Variants in TRIM36 observed in about 807,000 individuals in gnomAD.
TRIM36 encodes E3 ubiquitin-protein ligase TRIM36.
A neutral mutation model predicts 72.4 loss-of-function variants in TRIM36; 42 were observed. That is an observed-to-expected ratio of 0.58 (90% CI 0.45 to 0.75). The LOEUF (loss-of-function observed/expected upper bound fraction) is 0.75, where lower values mean the gene tolerates loss of function less well. Ranked by LOEUF, TRIM36 falls within the 30% of genes least tolerant of loss-of-function variation. The pLI, the probability that TRIM36 is intolerant of heterozygous loss-of-function variation, is 0.00. For missense variants in TRIM36, 913 were observed against 857.1 expected (o/e 1.07, Z -0.81); for synonymous variants, 315 against 282.8 (o/e 1.11, Z -1.14).
upstream of TRIM36, chr5:115,169,934 C>T (rs1755016764): frequency 3.2e-6 from 4 of 1,254,304 alleles, no homozygotes; most frequent in Non-Finnish European, 4.0e-6. Context: ...CGCGCAGAGA[C>T]CTGGGCGGGG....
intron 2 of TRIM36, among the ~76,000 whole-genome samples, chr5:115,156,091 G>T (rs1157140247): frequency 1.3e-5 from 2 of 151,850 alleles, no homozygotes; most frequent in Non-Finnish European, 2.9e-5. Context: ...AAAAACTTAG[G>T]AATATACTCA....
intron 1 of TRIM36, among the ~76,000 whole-genome samples, chr5:115,175,647 C>T (rs1331014096): frequency 6.6e-6 from 1 of 151,428 alleles, no homozygotes. Context: ...TTAGGAGACA[C>T]CTTTTTTTTT....
chr5:115,129,055 T>TA (rs1251506259), intron 9 of TRIM36, among the ~76,000 whole-genome samples: 2 of 152,148 alleles, frequency 1.3e-5, no homozygotes, highest in African/African-American at 4.8e-5. Context: ...CACAAATACT[T>TA]ACTGTTGCAT....
chr5:115,154,532 A>C (rs1754067548), intron 2 of TRIM36, among the ~76,000 whole-genome samples: 2 of 152,198 alleles, frequency 1.3e-5, no homozygotes, highest in African/African-American at 4.8e-5. Context: ...GAAATACAAA[A>C]GATCATTCAA....
At chr5:115,180,223 GGCTCCCGGGCA>G (rs1016272461), upstream of TRIM36, 8 of 549,820 alleles carry the variant, frequency 1.5e-5, no homozygotes, top group African/African-American at 1.6e-4. Flanking sequence ...GGCCATCGAG[GGCTCCCGGGCA>G]GCCTCGCCCG....
rs1753651554 is a variant in TRIM36 at position 115,147,408 on chromosome 5, A to T, written c.263-14T>A. 5.0e-6 allele frequency: 8 copies of T among 1,604,904 alleles called. No homozygotes were observed. The highest frequency in any genetic ancestry group is 6.8e-6 in the Non-Finnish European group (8 of 1,172,672). ...TGCGCTTCCAGCCTGTGTAATTAGT[A>T]AGTCTTTGTTTAGTTATAGCAGTAG... On this transcript the variant is annotated splice_polypyrimidine_tract_variant and intron_variant, in intron 2 of 9. Coordinates refer to ENST00000513154, the MANE Select transcript of TRIM36 (RefSeq NM_001300759.2).
rs1007729670 is a variant in TRIM36 at position 115,133,874 on chromosome 5, G to C, written c.1484C>G (p.Thr495Ser). 6.3e-6 allele frequency: 10 copies of C among 1,598,752 alleles called. No homozygotes were observed. The highest frequency in any genetic ancestry group is 8.5e-6 in the Non-Finnish European group (10 of 1,173,032). The change falls in exon 8 of 10, where the codon ACT (threonine) becomes AGT (serine). Residue 495 changes from threonine (T) to serine (S), a missense_variant. Physicochemically the swap from Thr to Ser is moderately conservative, Grantham distance 58 (BLOSUM62 1). Transcript: ENST00000513154. ...ATTCACCATACCTGGAGCTGGAGGA[G>C]TATGAAGAATCAATTCTCTGCTGCA... ...SPCSRELILH[T>S]PPAPVFSFLF...
rs148608336 is a variant in TRIM36 at position 115,132,139 on chromosome 5, C to T, written c.1499-1250G>A. On this transcript the variant is annotated intron_variant, in intron 8 of 9. Coordinates refer to ENST00000513154, the MANE Select transcript of TRIM36 (RefSeq NM_001300759.2). Reference sequence around the variant, plus strand: ...ATTACTTGAGTTCAGGAGTTTGAGGCCAGCAAAGGCAACATAGTGAGACCC... The same window carrying T: ...ATTACTTGAGTTCAGGAGTTTGAGGTCAGCAAAGGCAACATAGTGAGACCC... Among the ~76,000 whole-genome samples the T allele has an allele frequency of 2.4e-3, 363 of 151,512 alleles. 1 individual carries two copies. The highest frequency in any genetic ancestry group is 8.4e-3 in the African/African-American group (345 of 41,276).
At chr5:115,144,913 G>A (rs112951495) in intron 3 of TRIM36, among the ~76,000 whole-genome samples, 169 bp from the exon 4 acceptor site, 15 of 152,032 alleles carry the variant, frequency 9.9e-5, no homozygotes, top group Non-Finnish European at 1.5e-4. Context: ...TCTCTATATC[G>A]GAATTACTAT....
At chr5:115,156,199 G>A (rs137893726) in intron 2 of TRIM36, among the ~76,000 whole-genome samples, 37 of 152,134 alleles carry the variant, frequency 2.4e-4, no homozygotes, top group South Asian at 4.2e-4. Flanking sequence ...CCATGCTCAC[G>A]GATAGGTAGA....
intron 8 of TRIM36, among the ~76,000 whole-genome samples, chr5:115,132,414 T>C (rs1580640976): frequency 6.6e-6 from 1 of 151,738 alleles, no homozygotes; most frequent in South Asian, 2.1e-4. Flanking sequence ...GCATCTGTAA[T>C]CCCAGCTACT....
At chr5:115,176,723 C>A (rs1183056914) in intron 1 of TRIM36, among the ~76,000 whole-genome samples, 1 of 152,068 alleles carries the variant, frequency 6.6e-6, no homozygotes, top group Non-Finnish European at 1.5e-5. Context: ...TTACAAGAGA[C>A]CAAAACAGTT....
Position 115,130,609 on chromosome 5 carries a change from C to A in TRIM36, c.1779G>T (p.Arg593=), listed in dbSNP as rs1410584009. 3.1e-6 allele frequency: 5 copies of A among 1,613,892 alleles called. No homozygotes were observed. The highest frequency in any genetic ancestry group is 3.4e-6 in the Non-Finnish European group (4 of 1,179,866). ...DKLQEWLRSP[R]DAVSPRYEQD... ...AAACCTACCTTGGACTAACTGCATC[C>A]CGGGGAGAACGGAGCCATTCTTGTA... Residue 593 remains arginine, a synonymous_variant, in exon 9 of 10, where the codon CGG becomes CGT. Transcript: ENST00000513154.
chr5:115,139,852 T>G (rs1753182602), intron 5 of TRIM36, among the ~76,000 whole-genome samples: 1 of 152,204 alleles, frequency 6.6e-6, no homozygotes, highest in Non-Finnish European at 1.5e-5. Context: ...ACTTGACACC[T>G]AAGTTCCTCA....
intron 2 of TRIM36, among the ~76,000 whole-genome samples, chr5:115,157,019 T>C (rs999485361): frequency 3.3e-5 from 5 of 151,888 alleles, no homozygotes; most frequent in African/African-American, 1.2e-4. Flanking sequence ...AATAGACAAT[T>C]CTCAAAAGAA....
chr5:115,134,835 C>T (rs1037156075), intron 7 of TRIM36, among the ~76,000 whole-genome samples: 18 of 152,124 alleles, frequency 1.2e-4, no homozygotes, highest in Middle Eastern at 3.2e-3. Flanking sequence ...CCACTGTGCC[C>T]GGCCTCTCAA....
In TRIM36 at chr5:115,136,626, G is replaced by GA. The variant is rs962364725; in HGVS notation, c.1210+373dup. Reference sequence around the variant, plus strand: ...TTGCTCATAAAAGAGGAAAAAAATGGAAAAAAAAAGTCTCTTAGTAGGAAA... The same window carrying GA: ...TTGCTCATAAAAGAGGAAAAAAATGGAAAAAAAAAAGTCTCTTAGTAGGAAA... On this transcript the variant is annotated intron_variant, in intron 7 of 9. Coordinates refer to ENST00000513154, the MANE Select transcript of TRIM36 (RefSeq NM_001300759.2). Among the ~76,000 whole-genome samples the GA allele has an allele frequency of 1.5e-3, 230 of 149,334 alleles. 1 individual carries two copies. Among genetic ancestry groups the GA allele is most frequent in the African/African-American group, 5.3e-3 (216 of 40,734 alleles).
upstream of TRIM36, chr5:115,171,197 C>T (rs775501834): frequency 6.2e-7 from 1 of 1,614,146 alleles, no homozygotes; most frequent in Admixed American, 1.7e-5. Flanking sequence ...CTGTCTGCAG[C>T]GGTAGCCTCG....
At chr5:115,163,192 G>C (rs1027547222) in intron 2 of TRIM36, among the ~76,000 whole-genome samples, 8 of 152,052 alleles carry the variant, frequency 5.3e-5, no homozygotes, top group Non-Finnish European at 1.0e-4. Flanking sequence ...CATGACCTCA[G>C]GTGATCCACC....
Sources: allele counts gnomAD v4.1 joint callset (sites outside exome capture counted in the v4.1 genomes callset), GRCh38; gene constraint gnomAD v4.1.1; transcripts MANE v1.5; gene names NCBI Gene and HGNC (gene_info 2026-07-23, HGNC 2026-07-21).